Variants in AUH observed in about 807,000 individuals in gnomAD.
AUH encodes AU RNA binding methylglutaconyl-CoA hydratase, also known as methylglutaconyl-CoA hydratase, mitochondrial.
AUH carries 29 observed loss-of-function variants against 42.3 expected under a neutral mutation model. That is an observed-to-expected ratio of 0.69 (90% confidence interval 0.51 to 0.93). AUH has a LOEUF of 0.93. Among genes scored for constraint, AUH ranks in the 40% least tolerant of loss-of-function variants. The pLI is 0.00. For synonymous variants in AUH, 174 were observed against 166.4 expected, an observed-to-expected ratio of 1.05 and a Z score of -0.35; for missense variants, 452 against 438.1, an observed-to-expected ratio of 1.03 and a Z score of -0.28.
At chr9:91,254,700 A>G (rs1049515593) in intron 6 of AUH, among the ~76,000 whole-genome samples, 1 of 152,250 alleles carries the variant, frequency 6.6e-6, no homozygotes, top group Non-Finnish European at 1.5e-5. Flanking sequence ...AACTGCCTAT[A>G]TTGGCAACCA....
intron 6 of AUH, among the ~76,000 whole-genome samples, chr9:91,238,574 T>C (rs1258503049): frequency 6.6e-6 from 1 of 152,246 alleles, no homozygotes; most frequent in African/African-American, 2.4e-5. Flanking sequence ...GTTTTCATCA[T>C]GCAACAAAAT....
chr9:91,293,895 A>T (rs1353057832), intron 6 of AUH, among the ~76,000 whole-genome samples: 2 of 152,216 alleles, frequency 1.3e-5, no homozygotes, highest in Non-Finnish European at 2.9e-5. Flanking sequence ...CTTGTTAGGG[A>T]CTAATGCAGC....
At chr9:91,309,258 C>T (rs1828512907) in intron 4 of AUH, among the ~76,000 whole-genome samples, 1 of 151,772 alleles carries the variant, frequency 6.6e-6, no homozygotes, top group African/African-American at 2.4e-5. Context: ...CCCACCAGGC[C>T]CCACCTCCAA....
At chr9:91,349,994 G>A (rs1000583599) in intron 3 of AUH, among the ~76,000 whole-genome samples, 2 of 152,152 alleles carry the variant, frequency 1.3e-5, no homozygotes, top group Non-Finnish European at 1.5e-5. Flanking sequence ...ATCCAATGTA[G>A]CCGGCCAACC....
intron 3 of AUH, among the ~76,000 whole-genome samples, chr9:91,345,188 A>C (rs891324583): frequency 1.3e-5 from 2 of 152,138 alleles, no homozygotes; most frequent in South Asian, 2.1e-4. Context: ...CAACTCTATA[A>C]TGAAAATGTA....
chr9:91,232,983 TC>T (rs1408414705), intron 6 of AUH, among the ~76,000 whole-genome samples: 1 of 152,170 alleles, frequency 6.6e-6, no homozygotes, highest in East Asian at 1.9e-4. Context: ...TTGGAATTCC[TC>T]CTTTAAAACT....
At chr9:91,308,828 T>C (rs1041201026) in intron 4 of AUH, among the ~76,000 whole-genome samples, 4 of 151,490 alleles carry the variant, frequency 2.6e-5, no homozygotes, top group African/African-American at 7.3e-5. Context: ...TTCGCTATTG[T>C]TACCCAGGCT....
At chr9:91,308,958 T>G (rs1828456994) in intron 4 of AUH, among the ~76,000 whole-genome samples, 1 of 151,740 alleles carries the variant, frequency 6.6e-6, no homozygotes, top group Non-Finnish European at 1.5e-5. Context: ...GCCCGGCTAA[T>G]TTTTTGTACT....
chr9:91,310,386 A>G (rs973166977), intron 4 of AUH, among the ~76,000 whole-genome samples: 2 of 152,242 alleles, frequency 1.3e-5, no homozygotes, highest in Non-Finnish European at 2.9e-5. Context: ...ACATGTTTAC[A>G]CCAATAAGAT....
chr9:91,245,679 T>C (rs1332870444), intron 6 of AUH, among the ~76,000 whole-genome samples: 7 of 152,178 alleles, frequency 4.6e-5, no homozygotes, highest in Non-Finnish European at 8.8e-5. Flanking sequence ...AAGTGACTTA[T>C]GGGCATTATC....
At chr9:91,293,935 C>G (rs1369220076) in intron 6 of AUH, among the ~76,000 whole-genome samples, 2 of 152,204 alleles carry the variant, frequency 1.3e-5, no homozygotes, top group Non-Finnish European at 2.9e-5. Context: ...CCACTGCTCA[C>G]TTATCATTCC....
At chr9:91,225,216 A>T (rs1007403062) in intron 6 of AUH, among the ~76,000 whole-genome samples, 2 of 152,232 alleles carry the variant, frequency 1.3e-5, no homozygotes, top group Non-Finnish European at 2.9e-5. Context: ...TCTTGGTGCA[A>T]TCATAGCTCA....
intron 4 of AUH, among the ~76,000 whole-genome samples, chr9:91,322,590 A>T (rs962268239): frequency 6.6e-6 from 1 of 152,202 alleles, no homozygotes; most frequent in African/African-American, 2.4e-5. Flanking sequence ...GAAGATGCAA[A>T]AAGGTGTCAA....
intron 7 of AUH, among the ~76,000 whole-genome samples, chr9:91,219,832 T>C (rs1277539963): frequency 6.6e-6 from 1 of 152,212 alleles, no homozygotes; most frequent in African/African-American, 2.4e-5. Context: ...TCTGAACAAA[T>C]GTGAGCATTC....
At chr9:91,269,050 G>A (rs1824897458) in intron 6 of AUH, among the ~76,000 whole-genome samples, 1 of 151,764 alleles carries the variant, frequency 6.6e-6, no homozygotes, top group African/African-American at 2.4e-5. Flanking sequence ...GTGCGATCTT[G>A]GCTAACTGCA....
chr9:91,299,122 G>A (rs1391488215), intron 4 of AUH, among the ~76,000 whole-genome samples: 1 of 152,212 alleles, frequency 6.6e-6, no homozygotes, highest in African/African-American at 2.4e-5. Context: ...AAGAGGCTGA[G>A]GCAGGAGAAT....
intron 6 of AUH, chr9:91,294,730 T>C (rs1379877183): frequency 2.0e-5 from 9 of 455,948 alleles, no homozygotes; most frequent in Non-Finnish European, 2.6e-5. Context: ...TAACAGGAGT[T>C]TGGAAGATGA....
chr9:91,316,719 C>A (rs1236123996), intron 4 of AUH, among the ~76,000 whole-genome samples: 4 of 152,212 alleles, frequency 2.6e-5, no homozygotes, highest in Non-Finnish European at 4.4e-5. Context: ...TTGCTGACTT[C>A]AAGGCTGTAC....
At chr9:91,224,389 T>G (rs1827314987) in intron 6 of AUH, among the ~76,000 whole-genome samples, 1 of 152,202 alleles carries the variant, frequency 6.6e-6, no homozygotes. Flanking sequence ...TTGCAAATAT[T>G]TTCTCCCATC....
Sources: gnomAD v4.1 joint callset for allele counts (sites outside exome capture counted in the v4.1 genomes callset) on GRCh38, gnomAD v4.1.1 for gene constraint, MANE v1.5 for transcripts, NCBI Gene and HGNC (gene_info 2026-07-23, HGNC 2026-07-21) for gene names.